Variants in KCNB2 observed in about 807,000 individuals in gnomAD.
The protein encoded by KCNB2 is delayed rectifier potassium channel protein.
In KCNB2, 15 loss-of-function variants were observed where a neutral mutation model predicts 61.5. The observed-to-expected ratio is 0.24, with a 90% CI of 0.16 to 0.38. The LOEUF (loss-of-function observed/expected upper bound fraction) is 0.38, where lower values mean the gene tolerates loss of function less well. KCNB2 is among the 10% of genes least tolerant of loss of function. The probability of loss-of-function intolerance (pLI) is 1.00; values close to 1 mark genes in which losing one functional copy is unlikely to be tolerated. For synonymous variants in KCNB2, 457 were observed against 446.0 expected (o/e 1.02, Z -0.31); for missense variants, 828 against 1,125.2 (o/e 0.74, Z 3.78).
chr8:72,927,716 C>A (rs1806682781), intron 2 of KCNB2, among the ~76,000 whole-genome samples: 1 of 152,210 alleles, frequency 6.6e-6, no homozygotes, highest in Non-Finnish European at 1.5e-5. Context: ...TTGATGGGTT[C>A]TTTCTGGAAT....
intron 2 of KCNB2, among the ~76,000 whole-genome samples, chr8:72,655,573 T>A (rs1806277850): frequency 1.3e-5 from 2 of 152,090 alleles, no homozygotes; most frequent in African/African-American, 4.8e-5. Context: ...TATCTACTAC[T>A]TTCTAAAGTA....
At chr8:72,838,433 G>A (rs572868358) in intron 2 of KCNB2, among the ~76,000 whole-genome samples, 3 of 152,174 alleles carry the variant, frequency 2.0e-5, no homozygotes, top group Non-Finnish European at 4.4e-5. Context: ...CCCTGCAAAG[G>A]ACATGAACTC....
intron 2 of KCNB2, among the ~76,000 whole-genome samples, chr8:72,786,795 A>G (rs192163682): frequency 1.3e-3 from 198 of 152,304 alleles, no homozygotes; most frequent in African/African-American, 4.4e-3. Flanking sequence ...AGGCACTGTA[A>G]TAAAAATGGG....
At chr8:72,831,719 A>T (rs532162513) in intron 2 of KCNB2, among the ~76,000 whole-genome samples, 1 of 152,358 alleles carries the variant, frequency 6.6e-6, no homozygotes, top group South Asian at 2.1e-4. Context: ...GGTCCCAACT[A>T]TGTGGAAATA....
chr8:72,577,303 G>GTA (rs1305427020), intron 2 of KCNB2, among the ~76,000 whole-genome samples: 1 of 89,636 alleles, frequency 1.1e-5, no homozygotes, highest in Non-Finnish European at 3.0e-5. Context: ...ATGTGTGTGT[G>GTA]TATGTGTGTG....
intron 2 of KCNB2, among the ~76,000 whole-genome samples, chr8:72,668,162 C>G (rs1806508267): frequency 6.6e-6 from 1 of 152,190 alleles, no homozygotes; most frequent in Non-Finnish European, 1.5e-5. Flanking sequence ...TTAATTCTCC[C>G]AGCATCAGTG....
chr8:72,677,311 G>A (rs577704650), intron 2 of KCNB2, among the ~76,000 whole-genome samples: 1 of 152,104 alleles, frequency 6.6e-6, no homozygotes, highest in Non-Finnish European at 1.5e-5. Flanking sequence ...CTTGGATTGT[G>A]GTGCTTTGTT....
intron 2 of KCNB2, among the ~76,000 whole-genome samples, chr8:72,580,972 G>A (rs1255912951): frequency 6.6e-6 from 1 of 152,084 alleles, no homozygotes; most frequent in Non-Finnish European, 1.5e-5. Context: ...CCTTAGCATT[G>A]CATTTATGAT....
intron 2 of KCNB2, among the ~76,000 whole-genome samples, chr8:72,815,335 T>C (rs1291860432): frequency 1.3e-5 from 2 of 152,034 alleles, no homozygotes; most frequent in African/African-American, 4.8e-5. Flanking sequence ...CAGACATAAG[T>C]GCTAAAAAAA....
At chr8:72,607,328 GGACCA>G (rs1211501180) in intron 2 of KCNB2, among the ~76,000 whole-genome samples, 24 of 152,036 alleles carry the variant, frequency 1.6e-4, no homozygotes, top group Non-Finnish European at 1.5e-5. Flanking sequence ...AAAGTAGAAA[GGACCA>G]TCCTTCTCAA....
chr8:72,768,077 G>T (rs1013465441), intron 2 of KCNB2, among the ~76,000 whole-genome samples: 1 of 152,006 alleles, frequency 6.6e-6, no homozygotes, highest in East Asian at 1.9e-4. Context: ...TTTTATTATT[G>T]GGTTGTAAGA....
At chr8:72,764,861 G>A (rs553599583) in intron 2 of KCNB2, among the ~76,000 whole-genome samples, 35 of 152,266 alleles carry the variant, frequency 2.3e-4, no homozygotes, top group African/African-American at 8.2e-4. Flanking sequence ...CAGAATTAGT[G>A]TCTATTCTGG....
At chr8:72,592,412 A>G (rs1807115007) in intron 2 of KCNB2, among the ~76,000 whole-genome samples, 1 of 151,916 alleles carries the variant, frequency 6.6e-6, no homozygotes, top group African/African-American at 2.4e-5. Flanking sequence ...ACTTGGGGTT[A>G]AAAAACAGAA....
intron 2 of KCNB2, among the ~76,000 whole-genome samples, chr8:72,669,270 T>C (rs1806525348): frequency 6.6e-6 from 1 of 152,254 alleles, no homozygotes; most frequent in Non-Finnish European, 1.5e-5. Context: ...TGCATGTGTA[T>C]GGCATTTGCA....
chr8:72,703,001 C>T (rs933678851), intron 2 of KCNB2, among the ~76,000 whole-genome samples: 2 of 152,190 alleles, frequency 1.3e-5, no homozygotes, highest in Non-Finnish European at 2.9e-5. Context: ...GGACCACTTC[C>T]GCAGCCCATT....
chr8:72,823,189 G>T (rs540363853), intron 2 of KCNB2, among the ~76,000 whole-genome samples: 6 of 152,120 alleles, frequency 3.9e-5, no homozygotes, highest in Non-Finnish European at 8.8e-5. Flanking sequence ...GGAACCTCTT[G>T]AATAGCGTAT....
At chr8:72,608,346 G>A (rs1349230786) in intron 2 of KCNB2, among the ~76,000 whole-genome samples, 1 of 152,106 alleles carries the variant, frequency 6.6e-6, no homozygotes, top group Non-Finnish European at 1.5e-5. Context: ...GACTGCTGTG[G>A]GCAGGCAATG....
intron 2 of KCNB2, among the ~76,000 whole-genome samples, chr8:72,635,643 A>G (rs1805953563): frequency 6.6e-6 from 1 of 152,244 alleles, no homozygotes; most frequent in African/African-American, 2.4e-5. Context: ...TTTTCATAGG[A>G]TGGAGGTCCT....
intron 2 of KCNB2, among the ~76,000 whole-genome samples, chr8:72,571,222 A>G (rs979272157): frequency 6.6e-5 from 10 of 152,242 alleles, no homozygotes; most frequent in Admixed American, 3.3e-4. Context: ...AGCCCATGCT[A>G]TATGCATCCC....
Sources: allele counts gnomAD v4.1 joint callset (sites outside exome capture counted in the v4.1 genomes callset), GRCh38; gene constraint gnomAD v4.1.1; transcripts MANE v1.5; gene names NCBI Gene and HGNC (gene_info 2026-07-23, HGNC 2026-07-21).